Variants in KLHL29 observed in about 807,000 individuals in gnomAD.
KLHL29 encodes kelch like family member 29.
Under a neutral mutation model 80.4 loss-of-function variants are expected in KLHL29, and 21 were observed. The ratio of observed to expected loss-of-function variants is 0.26; its 90% CI spans 0.19 to 0.38. KLHL29 has a LOEUF of 0.38. Among genes scored for constraint, KLHL29 ranks in the 10% least tolerant of loss-of-function variants. The pLI, the probability that KLHL29 is intolerant of heterozygous loss-of-function variation, is 1.00. For synonymous variants in KLHL29, 511 were observed against 526.8 expected (o/e 0.97, Z 0.41); for missense variants, 867 against 1,223.9 (o/e 0.71, Z 4.35).
chr2:23,581,173 GTTC>G (rs1314973724), intron 3 of KLHL29, among the ~76,000 whole-genome samples: 2 of 151,830 alleles, frequency 1.3e-5, no homozygotes, highest in Non-Finnish European at 2.9e-5. Context: ...GTTTCTCCAT[GTTC>G]TTCTGAGGAA....
At chr2:23,607,705 C>G (rs1365492717) in intron 3 of KLHL29, among the ~76,000 whole-genome samples, 1 of 152,098 alleles carries the variant, frequency 6.6e-6, no homozygotes, top group Non-Finnish European at 1.5e-5. Flanking sequence ...CTCATAGGAC[C>G]GTGAACCCTA....
intron 1 of KLHL29, among the ~76,000 whole-genome samples, chr2:23,455,025 C>T (rs1439543274): frequency 2.0e-5 from 3 of 150,870 alleles, no homozygotes; most frequent in Non-Finnish European, 1.5e-5. Context: ...TTATTTCTCT[C>T]GCATCTGCAG....
At chr2:23,389,458 C>T (rs1313900748) in intron 1 of KLHL29, among the ~76,000 whole-genome samples, 1 of 152,172 alleles carries the variant, frequency 6.6e-6, no homozygotes. Context: ...ATTCTGTAAT[C>T]AGTCAACTAA....
At chr2:23,396,098 T>C (rs1331356763) in intron 1 of KLHL29, among the ~76,000 whole-genome samples, 4 of 152,236 alleles carry the variant, frequency 2.6e-5, no homozygotes, top group Admixed American at 2.6e-4. Context: ...CCCTCATCAG[T>C]GAGACCAATA....
At chr2:23,619,847 A>G (rs1558411276) in intron 3 of KLHL29, among the ~76,000 whole-genome samples, 1 of 152,202 alleles carries the variant, frequency 6.6e-6, no homozygotes, top group Non-Finnish European at 1.5e-5. Flanking sequence ...AACACCTACT[A>G]TGTACCAGGC....
At chr2:23,699,399 T>A (rs1185622867) in intron 11 of KLHL29, among the ~76,000 whole-genome samples, 1 of 152,186 alleles carries the variant, frequency 6.6e-6, no homozygotes, top group Non-Finnish European at 1.5e-5. Flanking sequence ...TGTCCCCTGC[T>A]GGGAGGGCCT....
At chr2:23,547,449 C>T (rs955813038) in intron 2 of KLHL29, among the ~76,000 whole-genome samples, 1 of 152,100 alleles carries the variant, frequency 6.6e-6, no homozygotes, top group Non-Finnish European at 1.5e-5. Context: ...GTCACTTAAA[C>T]CTTTACGTTA....
Position 23,457,075 on chromosome 2 carries a change from C to T in KLHL29, c.-153-18485C>T, listed in dbSNP as rs1197495124. Among the ~76,000 whole-genome samples the T allele has an allele frequency of 1.3e-5, 2 of 152,240 alleles. No homozygotes were observed. The highest frequency in any genetic ancestry group is 2.9e-5 in the Non-Finnish European group (2 of 68,034). On this transcript the variant is annotated intron_variant, in intron 1 of 13. Transcript: ENST00000486442. This position sits in a 1 kb window ranked among gnomAD's most constrained non-coding sequence, Gnocchi z 4.3. ...TCCGAGGCCCCTCCCCAGGCATCTG[C>T]TGAGACCCTCCCTTGTGCCAGGCCC...
At chr2:23,386,023 C>G (rs1441275895) in intron 1 of KLHL29, among the ~76,000 whole-genome samples, 1 of 152,138 alleles carries the variant, frequency 6.6e-6, no homozygotes, top group Non-Finnish European at 1.5e-5. Context: ...AACTTCCTGC[C>G]CCCGGGTGTG....
intron 2 of KLHL29, among the ~76,000 whole-genome samples, chr2:23,540,791 C>T (rs754196308): frequency 1.2e-4 from 19 of 152,368 alleles, no homozygotes; most frequent in Non-Finnish European, 2.2e-4. Context: ...CATGCTCTGT[C>T]CTACAGACCG....
At chr2:23,517,808 C>A (rs942680172) in intron 2 of KLHL29, among the ~76,000 whole-genome samples, 1 of 152,212 alleles carries the variant, frequency 6.6e-6, no homozygotes, top group African/African-American at 2.4e-5. Context: ...GGCCCATTCC[C>A]ACCACTGGAA....
chr2:23,686,039 C>T (rs879712699), intron 6 of KLHL29, among the ~76,000 whole-genome samples: 6 of 152,280 alleles, frequency 3.9e-5, no homozygotes, highest in Non-Finnish European at 5.9e-5. Flanking sequence ...TTGCACACAA[C>T]AGAGAAGAAC....
At chr2:23,421,751 CAT>C (rs754757698) in intron 1 of KLHL29, among the ~76,000 whole-genome samples, 154 of 127,432 alleles carry the variant, frequency 1.2e-3, no homozygotes, top group Non-Finnish European at 2.2e-3. Context: ...TGTGTGTGTT[CAT>C]GTGTGTGTGT....
Position 23,708,100 on chromosome 2 carries a change from T to C in KLHL29, c.*1436T>C, listed in dbSNP as rs868768704. Reference sequence around the variant, plus strand: ...ATCGTTTCATGATAACAACCATTTATAAGAGAAAAAGACAGGACACGCTTT... The same window carrying C: ...ATCGTTTCATGATAACAACCATTTACAAGAGAAAAAGACAGGACACGCTTT... On this transcript the variant is annotated 3_prime_UTR_variant, in exon 14 of 14. Coordinates refer to ENST00000486442, the MANE Select transcript of KLHL29 (RefSeq NM_052920.2). The C allele has an allele frequency of 6.6e-6, 1 of 152,216 alleles. No individual in the cohort carries two copies. The highest frequency in any genetic ancestry group is 1.5e-5 in the Non-Finnish European group (1 of 68,042). 9.4% of individuals were successfully genotyped at this position (152,216 alleles called of 1,614,324 possible).
At chr2:23,603,185 C>T (rs1047865678) in intron 3 of KLHL29, among the ~76,000 whole-genome samples, 4 of 152,148 alleles carry the variant, frequency 2.6e-5, no homozygotes, top group African/African-American at 9.7e-5. Context: ...GGACAGCCTT[C>T]CCTGGACCCT....
chr2:23,633,848 C>G (rs1158439292), intron 3 of KLHL29, among the ~76,000 whole-genome samples: 3 of 151,418 alleles, frequency 2.0e-5, no homozygotes, highest in African/African-American at 7.3e-5. Flanking sequence ...TGTGGCAGTT[C>G]CAGGAGCCCC....
At position 23,627,910 on chromosome 2, in the gene KLHL29, C is replaced by CTT. The variant is rs10624746; in HGVS notation, c.286-11216_286-11215dup. Among the ~76,000 whole-genome samples, 4 of 120,646 alleles carry CTT rather than the reference C, an allele frequency of 3.3e-5. 1 individual carries two copies. The allele number at this position is 120,646 out of a possible 152,430, so 79.1% of individuals were successfully genotyped here. ...GACTAGAAAGGAGGAGGCCAGGAGT[C>CTT]TTTTTTTTTTTTTTGAGATGGAGTC... On this transcript the variant is annotated intron_variant, in intron 3 of 13. Transcript: ENST00000486442.
chr2:23,605,124 T>TTTC (rs1289698912), intron 3 of KLHL29, among the ~76,000 whole-genome samples: 3 of 147,248 alleles, frequency 2.0e-5, no homozygotes, highest in Non-Finnish European at 4.5e-5. Context: ...TTTTTTTTTT[T>TTTC]TTTTTGGAGA....
At chr2:23,516,334 C>G (rs1030182633) in intron 2 of KLHL29, among the ~76,000 whole-genome samples, 4 of 152,180 alleles carry the variant, frequency 2.6e-5, no homozygotes, top group African/African-American at 9.7e-5. Context: ...CTGCACTGCT[C>G]AAGGCCAAGG....
Sources: gnomAD v4.1 joint callset for allele counts (sites outside exome capture counted in the v4.1 genomes callset) on GRCh38, gnomAD v4.1.1 for gene constraint, Gnocchi (gnomAD v3.1) non-coding constraint, MANE v1.5 for transcripts, NCBI Gene and HGNC (gene_info 2026-07-23, HGNC 2026-07-21) for gene names.